The following VMP1 variants were observed in gnomAD, a reference collection of about 807,000 sequenced individuals.
VMP1 encodes ectopic P-granules autophagy protein 3 homolog.
A neutral mutation model predicts 56.0 loss-of-function variants in VMP1; 11 were observed. The ratio of observed to expected loss-of-function variants is 0.20; its 90% CI spans 0.12 to 0.32. The LOEUF is 0.32. Among genes scored for constraint, VMP1 ranks in the 10% least tolerant of loss-of-function variants. The pLI is 1.00. For synonymous variants in VMP1, 149 were observed against 165.0 expected, an observed-to-expected ratio of 0.90 and a Z score of 0.74; for missense variants, 296 against 490.3, an observed-to-expected ratio of 0.60 and a Z score of 3.74.
chr17:59,741,483 A>G (rs1354365157), intron 5 of VMP1, among the ~76,000 whole-genome samples: 1 of 152,208 alleles, frequency 6.6e-6, no homozygotes, highest in South Asian at 2.1e-4. Context: ...TGGAATGGAA[A>G]TAGCATTTGG....
intron 6 of VMP1, among the ~76,000 whole-genome samples, chr17:59,770,664 A>G (rs1170449950): frequency 2.0e-5 from 3 of 150,998 alleles, no homozygotes; most frequent in Non-Finnish European, 4.4e-5. Context: ...TTTCACTGCA[A>G]CCTCCTCTCG....
chr17:59,812,275 C>T (rs932476409), intron 9 of VMP1, among the ~76,000 whole-genome samples: 6 of 152,048 alleles, frequency 3.9e-5, no homozygotes, highest in Non-Finnish European at 8.8e-5. Context: ...ATATCCTTTA[C>T]CGAAAAACAG....
chr17:59,708,221 A>C (rs2033761388), intron 1 of VMP1: 1 of 152,242 alleles, frequency 6.6e-6, no homozygotes, highest in Non-Finnish European at 1.5e-5. Context: ...TGCCATCTAA[A>C]GCTCTGGTGG....
chr17:59,749,727 T>C (rs1598335506), intron 5 of VMP1, among the ~76,000 whole-genome samples: 2 of 151,794 alleles, frequency 1.3e-5, no homozygotes, highest in African/African-American at 2.4e-5. Context: ...GCCAGGCTGG[T>C]CTCGAATTCT....
intron 5 of VMP1, among the ~76,000 whole-genome samples, chr17:59,749,012 C>T (rs557582785): frequency 1.4e-3 from 207 of 150,730 alleles, no homozygotes; most frequent in African/African-American, 4.1e-3. Context: ...TGCAGTGGTG[C>T]GATCTCGGCT....
At chr17:59,770,610 A>G (rs1217597924) in intron 6 of VMP1, among the ~76,000 whole-genome samples, 1 of 148,456 alleles carries the variant, frequency 6.7e-6, no homozygotes, top group Non-Finnish European at 1.5e-5. Flanking sequence ...CTGAGGTGGG[A>G]TCTTGCACTG....
intron 7 of VMP1, among the ~76,000 whole-genome samples, chr17:59,804,473 G>T (rs2037779951): frequency 6.6e-6 from 1 of 151,744 alleles, no homozygotes; most frequent in Non-Finnish European, 1.5e-5. Context: ...AAATCATCCG[G>T]GCGTTGCGGT....
intron 6 of VMP1, among the ~76,000 whole-genome samples, chr17:59,773,423 A>G: frequency 6.6e-6 from 1 of 151,140 alleles, no homozygotes; most frequent in East Asian, 2.0e-4. Flanking sequence ...TTTCATAGAC[A>G]GGAATCTCAG....
At position 59,764,713 on chromosome 17, in the gene VMP1, G is replaced by A. The variant is rs557479546; in HGVS notation, c.415-258G>A. Among the ~76,000 whole-genome samples, 4 of 152,238 alleles carry A rather than the reference G, an allele frequency of 2.6e-5. No individual in the cohort carries two copies. In the South Asian group the frequency reaches 8.3e-4, roughly 32 times the overall value. ...TATGTTCGTCAAAGCTAATTGAAAT[G>A]TAGACCTCAAATAAGTGACTCATTA... On this transcript the variant is annotated intron_variant, in intron 5 of 11. Transcript: ENST00000262291.
intron 6 of VMP1, among the ~76,000 whole-genome samples, chr17:59,770,341 G>A (rs2036378155): frequency 6.6e-6 from 1 of 152,094 alleles, no homozygotes; most frequent in Non-Finnish European, 1.5e-5. Context: ...ATTATAAAAT[G>A]AATTTAATAT....
At position 59,840,009 on chromosome 17, in the gene VMP1, G is replaced by T; in HGVS notation, c.*98G>T. The T allele has an allele frequency of 6.7e-7, 1 of 1,503,286 alleles. No individual in the cohort carries two copies. Among genetic ancestry groups the T allele is most frequent in the Non-Finnish European group, 9.0e-7 (1 of 1,114,478 alleles). 93.1% of individuals were successfully genotyped at this position (1,503,286 alleles called of 1,614,324 possible). ...GAAGGAAAATTCCCTTTTCCAACCT[G>T]TATCAATTTTTACAACTTTTTTCCT... is the stretch of plus-strand genomic sequence containing the variant. On this transcript the variant is annotated 3_prime_UTR_variant, in exon 12 of 12. Transcript: ENST00000262291.
At chr17:59,824,465 C>T (rs1447684525) in intron 10 of VMP1, among the ~76,000 whole-genome samples, 2 of 149,468 alleles carry the variant, frequency 1.3e-5, no homozygotes, top group African/African-American at 2.5e-5. Context: ...CCCAGCTACT[C>T]GGGAGGCTGA....
At chr17:59,786,659 T>C (rs2037017160) in intron 7 of VMP1, among the ~76,000 whole-genome samples, 1 of 152,150 alleles carries the variant, frequency 6.6e-6, no homozygotes, top group South Asian at 2.1e-4. Context: ...TCCAGTAAAC[T>C]GTTTGAGCAG....
intron 5 of VMP1, among the ~76,000 whole-genome samples, chr17:59,756,856 C>G (rs749335348): frequency 5.9e-5 from 9 of 152,126 alleles, no homozygotes; most frequent in Non-Finnish European, 1.3e-4. Context: ...AGTATTCTGT[C>G]TCTGGTCTTT....
At chr17:59,836,774 G>C (rs1368134514) in intron 10 of VMP1, among the ~76,000 whole-genome samples, 1 of 148,422 alleles carries the variant, frequency 6.7e-6, no homozygotes, top group Admixed American at 6.7e-5. Context: ...AGTATTTGGT[G>C]ACTGATAGAT....
chr17:59,733,711 A>C (rs2034918792), intron 2 of VMP1, among the ~76,000 whole-genome samples: 1 of 152,160 alleles, frequency 6.6e-6, no homozygotes, highest in Admixed American at 6.6e-5. Context: ...TCTCAAAAAA[A>C]ACAAAAACAA....
chr17:59,797,078 A>G (rs2037460786), intron 7 of VMP1, among the ~76,000 whole-genome samples: 1 of 152,136 alleles, frequency 6.6e-6, no homozygotes, highest in African/African-American at 2.4e-5. Flanking sequence ...TCAAGCCTGT[A>G]ATCCTACCAC....
At chr17:59,754,276 G>T (rs1037082545) in intron 5 of VMP1, among the ~76,000 whole-genome samples, 12 of 152,198 alleles carry the variant, frequency 7.9e-5, no homozygotes, top group Non-Finnish European at 1.5e-4. Context: ...ACCCTAAGGA[G>T]GAAGTACTGT....
At chr17:59,804,267 C>T (rs2037771378) in intron 7 of VMP1, among the ~76,000 whole-genome samples, 1 of 151,990 alleles carries the variant, frequency 6.6e-6, no homozygotes, top group Admixed American at 6.6e-5. Flanking sequence ...AAAATTATTA[C>T]ATAAAGCTGT....
Sources: allele counts gnomAD v4.1 joint callset (sites outside exome capture counted in the v4.1 genomes callset), GRCh38; gene constraint gnomAD v4.1.1; transcripts MANE v1.5; gene names NCBI Gene and HGNC (gene_info 2026-07-23, HGNC 2026-07-21).